CYTH1: variants seen among roughly 807,000 people sequenced by gnomAD.
CYTH1 encodes cytohesin 1.
A neutral mutation model predicts 61.8 loss-of-function variants in CYTH1; 18 were observed. That is an observed-to-expected ratio of 0.29 (90% CI 0.20 to 0.43). The LOEUF (loss-of-function observed/expected upper bound fraction) is 0.43, where lower values mean the gene tolerates loss of function less well. CYTH1 is among the 20% of genes least tolerant of loss of function. CYTH1 has a pLI of 1.00. For synonymous variants in CYTH1, 174 were observed against 184.3 expected, an observed-to-expected ratio of 0.94 and a Z score of 0.45; for missense variants, 336 against 510.5, an observed-to-expected ratio of 0.66 and a Z score of 3.29.
chr17:78,760,378 T>C (rs866297027), intron 1 of CYTH1, among the ~76,000 whole-genome samples: 32 of 61,384 alleles, frequency 5.2e-4, no homozygotes, highest in African/African-American at 1.9e-3. Context: ...TATATATATA[T>C]ATATATACAC....
chr17:78,748,949 C>T lies in CYTH1; in HGVS notation c.22+33253G>A, dbSNP rs148359457. ...TGACACAGAGCAAACTGAACCAGCG[C>T]GGTCCTGCCACAGCCCTGAAGACGG... On this transcript the variant is annotated intron_variant, in intron 1 of 13. Transcript: ENST00000446868. 2.2e-3 allele frequency among the ~76,000 whole-genome samples: 337 copies of T among 152,276 alleles called. 1 individual carries two copies. The highest frequency in any genetic ancestry group is 7.4e-3 in the African/African-American group (306 of 41,534).
intron 10 of CYTH1, among the ~76,000 whole-genome samples, chr17:78,694,464 G>A (rs1324776586): frequency 6.6e-6 from 1 of 152,184 alleles, no homozygotes; most frequent in Non-Finnish European, 1.5e-5. Context: ...GTGGAAAACA[G>A]GAAAGCCCGG....
chr17:78,676,549 T>C (rs2092701220), intron 13 of CYTH1: 1 of 282,520 alleles, frequency 3.5e-6, no homozygotes, highest in Non-Finnish European at 6.9e-6. Context: ...TGCCACGTAA[T>C]CAAGCCGTGT....
At position 78,709,706 on chromosome 17, in the gene CYTH1, G is replaced by A. The variant is rs1185405737; in HGVS notation, c.49C>T (p.Arg17Cys). ...CGTCGGATGTTCTCCAGTTCTTGAC[G>A]CTCCTCTGCTGTCAGGTCACTGGGA... ...YVPSDLTAEE[R>C]QELENIRRRK... The change falls in exon 2 of 14, where the codon CGT becomes TGT. Residue 17 changes from arginine to cysteine, a missense_variant. Coordinates refer to ENST00000446868, the MANE Select transcript of CYTH1 (RefSeq NM_004762.6). The A allele has an allele frequency of 1.9e-6, 3 of 1,614,180 alleles. No individual in the cohort carries two copies. The highest frequency in any genetic ancestry group is 4.5e-5 in the East Asian group (2 of 44,890).
chr17:78,683,556 A>C (rs1471046344), intron 11 of CYTH1, among the ~76,000 whole-genome samples: 1 of 152,158 alleles, frequency 6.6e-6, no homozygotes, highest in Non-Finnish European at 1.5e-5. Context: ...TGGTTCTGAG[A>C]GCTGAGTGAG....
chr17:78,778,532 G>A (rs2093502774), intron 1 of CYTH1, among the ~76,000 whole-genome samples: 1 of 150,812 alleles, frequency 6.6e-6, no homozygotes, highest in Admixed American at 6.6e-5. Flanking sequence ...CAGCTACTTG[G>A]GAGGCTGAGG....
intron 1 of CYTH1, among the ~76,000 whole-genome samples, chr17:78,765,000 CAG>C (rs1252347950): frequency 5.9e-5 from 9 of 152,084 alleles, no homozygotes; most frequent in East Asian, 3.9e-4. Flanking sequence ...CTCAAGCAAA[CAG>C]GGGAAGTCTT....
chr17:78,779,928 C>A (rs2093509997), intron 1 of CYTH1, among the ~76,000 whole-genome samples: 1 of 152,254 alleles, frequency 6.6e-6, no homozygotes. Flanking sequence ...ACACGCCCTG[C>A]TTCCACTTAC....
At chr17:78,728,117 A>G (rs1403745743) in intron 1 of CYTH1, among the ~76,000 whole-genome samples, 1 of 152,210 alleles carries the variant, frequency 6.6e-6, no homozygotes, top group African/African-American at 2.4e-5. Flanking sequence ...ATCCTCCCCA[A>G]GCCAGGCTGG....
intron 1 of CYTH1, among the ~76,000 whole-genome samples, chr17:78,755,491 T>TAAA (rs3073742): frequency 1.5e-5 from 2 of 129,838 alleles, no homozygotes; most frequent in Admixed American, 8.1e-5. Context: ...TGGGTTTATT[T>TAAA]AAAAAAAAAA....
intron 1 of CYTH1, among the ~76,000 whole-genome samples, chr17:78,768,838 C>A (rs1010315979): frequency 1.3e-5 from 2 of 152,024 alleles, no homozygotes; most frequent in Non-Finnish European, 2.9e-5. Flanking sequence ...TCCCTTCCCC[C>A]TCTTGGCAAA....
chr17:78,711,289 TAAATAAATAAATA>T (rs2093127496), intron 1 of CYTH1, among the ~76,000 whole-genome samples: 3 of 119,366 alleles, frequency 2.5e-5, no homozygotes, highest in Non-Finnish European at 5.3e-5. Context: ...AATAAATAAA[TAAATAAATAAATA>T]ATATATATAT....
intron 11 of CYTH1, among the ~76,000 whole-genome samples, chr17:78,685,180 G>T: frequency 6.8e-6 from 1 of 146,926 alleles, no homozygotes. Flanking sequence ...CTCCAGCCTG[G>T]GTGACAGAGC....
chr17:78,698,152 C>T, intron 9 of CYTH1, 117 bp downstream of exon 9: 3 of 850,442 alleles, frequency 3.5e-6, no homozygotes, highest in Non-Finnish European at 5.9e-6. Context: ...CGCACGCGCA[C>T]ACATGCACAC....
intron 1 of CYTH1, among the ~76,000 whole-genome samples, chr17:78,713,109 G>C (rs2144460514): frequency 6.6e-6 from 1 of 151,684 alleles, no homozygotes; most frequent in African/African-American, 2.4e-5. Flanking sequence ...ATATTAAAAT[G>C]GCTGCTTCAG....
chr17:78,731,160 A>G (rs1024011901), intron 1 of CYTH1, among the ~76,000 whole-genome samples: 3 of 152,352 alleles, frequency 2.0e-5, no homozygotes, highest in Non-Finnish European at 4.4e-5. Flanking sequence ...GCAGGAGATC[A>G]GCATAACTCA....
rs1342591423 is a variant in CYTH1, at chr17:78,680,258, C to T, written c.1050G>A (p.Gly350=). The stretch of plus-strand genomic sequence containing the variant: ...CTGAGATCCGGTAAACAGTGTGGTT[C>T]CCCTCCACCACCCGCCCGTCAGCCT... The part of the protein sequence containing the change: ...KTEADGRVVE[G]NHTVYRISAP... Residue 350 remains glycine (G), a synonymous_variant, in exon 13 of 14, where the codon GGG becomes GGA. Coordinates refer to ENST00000446868, the MANE Select transcript of CYTH1 (RefSeq NM_004762.6). 6.2e-7 allele frequency: 1 copy of T among 1,614,174 alleles called. No homozygotes were observed. Among genetic ancestry groups the T allele is most frequent in the Non-Finnish European group, 8.5e-7 (1 of 1,180,040 alleles).
chr17:78,735,443 A>G (rs971161550), intron 1 of CYTH1, among the ~76,000 whole-genome samples: 2 of 152,204 alleles, frequency 1.3e-5, no homozygotes, highest in Non-Finnish European at 2.9e-5. Context: ...GATCTTGGCT[A>G]GTGTGGACTC....
rs762432329 is a variant in CYTH1, at chr17:78,681,059, G to A, written c.892-17C>T. 1 of 1,611,146 alleles carries A rather than the reference G, an allele frequency of 6.2e-7. No homozygotes were observed. The highest frequency in any genetic ancestry group is 1.1e-5 in the South Asian group (1 of 90,298). On this transcript the variant is annotated splice_polypyrimidine_tract_variant and intron_variant, in intron 11 of 13. Transcript: ENST00000446868. ...CTCCTTATCCTACAGAACAGTTGAA[G>A]AGAGGAAGTTTAAGATCACAGTTTA...
Sources: gnomAD v4.1 joint callset for allele counts (sites outside exome capture counted in the v4.1 genomes callset) on GRCh38, gnomAD v4.1.1 for gene constraint, MANE v1.5 for transcripts, NCBI Gene and HGNC (gene_info 2026-07-23, HGNC 2026-07-21) for gene names.